FBXL17: variants seen among roughly 807,000 people sequenced by gnomAD.
FBXL17 encodes the protein F-box and leucine rich repeat protein 17.
FBXL17 carries 22 observed loss-of-function variants against 66.2 expected under a neutral mutation model. That is an observed-to-expected ratio of 0.33 (90% confidence interval 0.24 to 0.47). FBXL17 has a LOEUF of 0.47. Ranked by LOEUF, FBXL17 falls within the 20% of genes least tolerant of loss-of-function variation. The pLI, the probability that FBXL17 is intolerant of heterozygous loss-of-function variation, is 1.00. For missense variants in FBXL17, 878 were observed against 948.2 expected, an observed-to-expected ratio of 0.93 and a Z score of 0.97; for synonymous variants, 474 against 400.5, an observed-to-expected ratio of 1.18 and a Z score of -2.19.
chr5:108,039,473 A>G (rs1282824218), intron 6 of FBXL17, among the ~76,000 whole-genome samples: 1 of 152,130 alleles, frequency 6.6e-6, no homozygotes, highest in African/African-American at 2.4e-5. Flanking sequence ...CTACTTAACA[A>G]AAGAATTGAT....
intron 5 of FBXL17, among the ~76,000 whole-genome samples, chr5:108,200,520 T>C (rs1053528495): frequency 6.6e-6 from 1 of 152,100 alleles, no homozygotes; most frequent in African/African-American, 2.4e-5. Context: ...TTTGTTTTCT[T>C]CTTTGAGCCA....
intron 4 of FBXL17, among the ~76,000 whole-genome samples, chr5:108,236,218 A>G (rs1427483318): frequency 6.6e-6 from 1 of 151,912 alleles, no homozygotes; most frequent in African/African-American, 2.4e-5. Flanking sequence ...TCTTAAAAAA[A>G]ACAAGCAAAC....
intron 6 of FBXL17, among the ~76,000 whole-genome samples, chr5:108,095,839 G>A (rs1185822621): frequency 6.6e-6 from 1 of 152,094 alleles, no homozygotes; most frequent in Non-Finnish European, 1.5e-5. Context: ...GAAGAGAACT[G>A]TCTTCTCAGA....
chr5:108,327,346 A>G (rs1374324456), intron 4 of FBXL17, among the ~76,000 whole-genome samples: 3 of 152,198 alleles, frequency 2.0e-5, no homozygotes, highest in African/African-American at 7.2e-5. Context: ...ACCCCAGCAC[A>G]TTTCAGTTAT....
intron 6 of FBXL17, among the ~76,000 whole-genome samples, chr5:108,121,619 C>T (rs953508033): frequency 6.6e-5 from 10 of 151,756 alleles, no homozygotes; most frequent in Admixed American, 1.3e-4. Context: ...TGCAGTGGCA[C>T]GGTCTCGGCT....
chr5:107,865,855 G>A (rs972304112), intron 8 of FBXL17, among the ~76,000 whole-genome samples: 3 of 152,164 alleles, frequency 2.0e-5, no homozygotes, highest in Non-Finnish European at 4.4e-5. Context: ...CTCCACAGAA[G>A]TACAAATTAT....
chr5:108,279,456 A>G (rs186081156), intron 4 of FBXL17, among the ~76,000 whole-genome samples: 1 of 152,212 alleles, frequency 6.6e-6, no homozygotes, highest in East Asian at 1.9e-4. Context: ...TAGCTAAAAT[A>G]ATAATATTCA....
At chr5:108,009,692 C>T (rs1222510924) in intron 7 of FBXL17, among the ~76,000 whole-genome samples, 2 of 152,066 alleles carry the variant, frequency 1.3e-5, no homozygotes, top group Non-Finnish European at 2.9e-5. Flanking sequence ...TGAAAATTAA[C>T]AGCTTAATAT....
intron 4 of FBXL17, among the ~76,000 whole-genome samples, chr5:108,234,075 T>G (rs1057010231): frequency 3.9e-5 from 6 of 151,996 alleles, no homozygotes; most frequent in Non-Finnish European, 7.4e-5. Context: ...TGGCCATATA[T>G]AACTAAGAAA....
At chr5:108,349,029 C>T (rs1390369215) in intron 3 of FBXL17, among the ~76,000 whole-genome samples, 1 of 152,148 alleles carries the variant, frequency 6.6e-6, no homozygotes, top group African/African-American at 2.4e-5. Context: ...TAGTCTCAAA[C>T]TCCTGGCCTC....
At chr5:108,119,240 T>C (rs952039874) in intron 6 of FBXL17, among the ~76,000 whole-genome samples, 3 of 152,228 alleles carry the variant, frequency 2.0e-5, no homozygotes, top group Non-Finnish European at 4.4e-5. Context: ...AGCTCCTGCC[T>C]GACCCTGGCA....
At chr5:108,238,563 T>C (rs1198750516) in intron 4 of FBXL17, among the ~76,000 whole-genome samples, 2 of 152,248 alleles carry the variant, frequency 1.3e-5, no homozygotes, top group Non-Finnish European at 2.9e-5. Context: ...CAGGCTGAAG[T>C]GCAGTGGTGC....
chr5:108,113,113 C>T lies in FBXL17; in HGVS notation c.1745+73004G>A, dbSNP rs368030072. Reference sequence around the variant, plus strand: ...AACTCACCCAGTCTTTCTCATACTTCTTACTTACACCCAGACCACTTTTAT... The same window carrying T: ...AACTCACCCAGTCTTTCTCATACTTTTTACTTACACCCAGACCACTTTTAT... On this transcript the variant is annotated intron_variant, in intron 6 of 8. Coordinates refer to ENST00000542267, the MANE Select transcript of FBXL17 (RefSeq NM_001163315.3). 7.9e-5 allele frequency among the ~76,000 whole-genome samples: 12 copies of T among 152,294 alleles called. No individual in the cohort carries two copies. The East Asian group carries it at 1.9e-3, about 25-fold the overall frequency.
chr5:108,201,467 G>A (rs894636306), intron 5 of FBXL17, among the ~76,000 whole-genome samples: 4 of 152,018 alleles, frequency 2.6e-5, no homozygotes, highest in East Asian at 3.9e-4. Context: ...ATAAAATACA[G>A]TTAAGTATTT....
At chr5:108,271,040 A>G (rs1757246518) in intron 4 of FBXL17, among the ~76,000 whole-genome samples, 1 of 151,882 alleles carries the variant, frequency 6.6e-6, no homozygotes, top group Non-Finnish European at 1.5e-5. Flanking sequence ...CATCCAATAG[A>G]GCAGTGGAAA....
At chr5:108,041,382 T>C (rs1259797844) in intron 6 of FBXL17, among the ~76,000 whole-genome samples, 1 of 152,124 alleles carries the variant, frequency 6.6e-6, no homozygotes, top group East Asian at 1.9e-4. Context: ...TGCTTACCTT[T>C]GACACTAAGC....
At chr5:108,052,112 C>CAAAAAAAAAAAAAAAAAA in intron 6 of FBXL17, among the ~76,000 whole-genome samples, 1 of 102,190 alleles carries the variant, frequency 9.8e-6, no homozygotes, top group Non-Finnish European at 1.9e-5. Context: ...GACTTCGTCT[C>CAAAAAAAAAAAAAAAAAA]AAAAAAAAAA....
intron 4 of FBXL17, among the ~76,000 whole-genome samples, chr5:108,281,766 C>G (rs1481408143): frequency 1.3e-5 from 2 of 151,424 alleles, no homozygotes; most frequent in African/African-American, 4.8e-5. Context: ...AAAAGACAAA[C>G]AAAATTGATA....
intron 6 of FBXL17, among the ~76,000 whole-genome samples, chr5:108,132,702 T>C (rs1265760892): frequency 6.6e-6 from 1 of 152,216 alleles, no homozygotes; most frequent in Non-Finnish European, 1.5e-5. Flanking sequence ...TTGCCTTCAT[T>C]ATTACTTCCT....
Sources: allele counts gnomAD v4.1 joint callset (sites outside exome capture counted in the v4.1 genomes callset), GRCh38; gene constraint gnomAD v4.1.1; transcripts MANE v1.5; gene names NCBI Gene and HGNC (gene_info 2026-07-23, HGNC 2026-07-21).